KCNAB1: variants seen among roughly 807,000 people sequenced by gnomAD.
KCNAB1 encodes the protein potassium voltage-gated channel subfamily A regulatory beta subunit 1, also known as voltage-gated potassium channel subunit beta-1.
KCNAB1 carries 35 observed loss-of-function variants against 64.6 expected under a neutral mutation model. That is an observed-to-expected ratio of 0.54 (90% CI 0.41 to 0.72). The LOEUF (loss-of-function observed/expected upper bound fraction) is 0.72. KCNAB1 is among the 30% of genes least tolerant of loss of function. The pLI, the probability that KCNAB1 is intolerant of heterozygous loss-of-function variation, is 0.00. For synonymous variants in KCNAB1, 177 were observed against 183.8 expected (o/e 0.96, Z 0.30); for missense variants, 401 against 512.9 (o/e 0.78, Z 2.11).
At chr3:156,373,406 G>T (rs568278643) in intron 1 of KCNAB1, among the ~76,000 whole-genome samples, 82 of 152,264 alleles carry the variant, frequency 5.4e-4, no homozygotes, top group African/African-American at 1.9e-3. Context: ...TTCCATAAAG[G>T]ATAATTTGGA....
chr3:156,453,844 C>T (rs2108280804), intron 3 of KCNAB1, among the ~76,000 whole-genome samples: 1 of 152,296 alleles, frequency 6.6e-6, no homozygotes, highest in East Asian at 1.9e-4. Context: ...TTTATGTGTA[C>T]TAATGGTGGC....
At chr3:156,218,801 A>AAAAAAAAAAAAAAAAAAAAAAAAT (rs371264941) in intron 1 of KCNAB1, among the ~76,000 whole-genome samples, 1 of 112,246 alleles carries the variant, frequency 8.9e-6, no homozygotes, top group African/African-American at 3.5e-5. Flanking sequence ...AAAAAAAAAA[A>AAAAAAAAAAAAAAAAAAAAAAAAT]AATAATAATA....
intron 1 of KCNAB1, among the ~76,000 whole-genome samples, chr3:156,270,742 G>C (rs894276163): frequency 6.6e-6 from 1 of 152,060 alleles, no homozygotes; most frequent in Non-Finnish European, 1.5e-5. Flanking sequence ...CAATTACAGA[G>C]TCATAATATT....
chr3:156,409,630 C>T (rs1004928535), intron 1 of KCNAB1, among the ~76,000 whole-genome samples: 1 of 152,104 alleles, frequency 6.6e-6, no homozygotes, highest in African/African-American at 2.4e-5. Flanking sequence ...GGATTGGCAC[C>T]AAGGGACTTC....
chr3:156,280,000 T>C (rs1234476170), intron 1 of KCNAB1, among the ~76,000 whole-genome samples: 1 of 150,264 alleles, frequency 6.7e-6, no homozygotes, highest in Non-Finnish European at 1.5e-5. Flanking sequence ...TTTTGGCTTT[T>C]GTTGCCATTG....
At chr3:156,388,309 G>C (rs1383741704) in intron 1 of KCNAB1, among the ~76,000 whole-genome samples, 1 of 152,218 alleles carries the variant, frequency 6.6e-6, no homozygotes, top group Non-Finnish European at 1.5e-5. Context: ...ATTGAAATTA[G>C]GTTCAGAGTT....
intron 1 of KCNAB1, among the ~76,000 whole-genome samples, chr3:156,319,694 G>A (rs9879514): frequency 0.16 from 24,462 of 152,158 alleles, 2,506 homozygotes; most frequent in Non-Finnish European, 0.24. Context: ...GTCATGAAAT[G>A]CACTGACTAT....
At chr3:156,498,223 G>A (rs574341419) in intron 8 of KCNAB1, among the ~76,000 whole-genome samples, 1 of 152,298 alleles carries the variant, frequency 6.6e-6, no homozygotes, top group African/African-American at 2.4e-5. Context: ...CAATGTTGAA[G>A]ATGATGCCCA....
intron 8 of KCNAB1, among the ~76,000 whole-genome samples, chr3:156,506,468 T>C (rs1488985510): frequency 6.9e-6 from 1 of 144,328 alleles, no homozygotes; most frequent in Non-Finnish European, 1.6e-5. Context: ...TATCAAAGGC[T>C]CACTTCAAAC....
intron 1 of KCNAB1, among the ~76,000 whole-genome samples, chr3:156,147,974 C>CACACAA (rs1715150709): frequency 1.3e-4 from 20 of 152,086 alleles, no homozygotes; most frequent in Admixed American, 1.2e-3. Context: ...CGCACACGCA[C>CACACAA]ACACAAACAC....
intron 1 of KCNAB1, among the ~76,000 whole-genome samples, chr3:156,135,639 G>A (rs184621232): frequency 1.7e-3 from 256 of 152,324 alleles, no homozygotes; most frequent in Admixed American, 4.9e-3. Flanking sequence ...AATGATCCCA[G>A]TGAGACTTCT....
chr3:156,139,084 CCTT>C (rs1205192757), intron 1 of KCNAB1, among the ~76,000 whole-genome samples: 2 of 152,198 alleles, frequency 1.3e-5, no homozygotes, highest in African/African-American at 4.8e-5. Flanking sequence ...CATTAACTGT[CCTT>C]CTCAGCTGTT....
At chr3:156,279,056 G>A (rs190245310) in intron 1 of KCNAB1, among the ~76,000 whole-genome samples, 81 of 151,570 alleles carry the variant, frequency 5.3e-4, no homozygotes, top group Non-Finnish European at 8.8e-4. Flanking sequence ...ATGCTGGTGC[G>A]CTTCACCCAC....
chr3:156,505,866 C>T (rs150052051), intron 8 of KCNAB1, among the ~76,000 whole-genome samples: 8 of 151,994 alleles, frequency 5.3e-5, no homozygotes, highest in African/African-American at 1.9e-4. Flanking sequence ...AAAGGGAGAT[C>T]CCAGACTCTT....
chr3:156,320,932 A>G (rs1160197014), intron 1 of KCNAB1, among the ~76,000 whole-genome samples: 1 of 148,408 alleles, frequency 6.7e-6, no homozygotes, highest in Admixed American at 6.7e-5. Flanking sequence ...TTCTACATGT[A>G]TTTATTCAAC....
chr3:156,310,525 T>C (rs922232314), intron 1 of KCNAB1, among the ~76,000 whole-genome samples: 1 of 152,136 alleles, frequency 6.6e-6, no homozygotes, highest in African/African-American at 2.4e-5. Context: ...GCTTACCTGC[T>C]GGGCATGGTG....
chr3:156,519,553 C>A (rs1015739189), intron 11 of KCNAB1, among the ~76,000 whole-genome samples: 5 of 152,174 alleles, frequency 3.3e-5, no homozygotes, highest in Admixed American at 2.6e-4. Flanking sequence ...TCCACGAACA[C>A]TTCTTACAGG....
intron 2 of KCNAB1, among the ~76,000 whole-genome samples, chr3:156,426,418 A>G (rs1437447814): frequency 6.6e-6 from 1 of 152,256 alleles, no homozygotes; most frequent in Non-Finnish European, 1.5e-5. Context: ...CTCCCTCGTT[A>G]TCAGCATCCT....
At chr3:156,184,609 A>G (rs936752524) in intron 1 of KCNAB1, among the ~76,000 whole-genome samples, 6 of 152,182 alleles carry the variant, frequency 3.9e-5, no homozygotes, top group African/African-American at 1.4e-4. Context: ...TCAAGGACAC[A>G]GGTATCTAAG....
Sources: gnomAD v4.1 joint callset for allele counts (sites outside exome capture counted in the v4.1 genomes callset) on GRCh38, gnomAD v4.1.1 for gene constraint, MANE v1.5 for transcripts, NCBI Gene and HGNC (gene_info 2026-07-23, HGNC 2026-07-21) for gene names.